TLE3: variants seen among roughly 807,000 people sequenced by gnomAD.
TLE3 encodes transducin-like enhancer protein 3.
Under a neutral mutation model 93.0 loss-of-function variants are expected in TLE3, and 14 were observed. The observed-to-expected ratio is 0.15, with a 90% CI of 0.10 to 0.24. The LOEUF is 0.24. Among genes scored for constraint, TLE3 ranks in the 10% least tolerant of loss-of-function variants. The pLI is 1.00. For synonymous variants in TLE3, 451 were observed against 425.0 expected (o/e 1.06, Z -0.75); for missense variants, 693 against 1,046.6 (o/e 0.66, Z 4.66).
chr15:70,058,471 T>G lies in TLE3; in HGVS notation c.919-180A>C. 1 of 1,294,348 alleles carries G rather than the reference T, an allele frequency of 7.7e-7. No individual in the cohort carries two copies. Among genetic ancestry groups the G allele is most frequent in the Non-Finnish European group, 1.1e-6 (1 of 949,112 alleles). 80.2% of individuals were successfully genotyped at this position (1,294,348 alleles called of 1,614,324 possible). ...GCAGGGACTGGGGTGATCACTCCCA[T>G]TTTACAGACGTAGCAACCGAGGCTC... On this transcript the variant is annotated intron_variant, in intron 11 of 19. Coordinates refer to ENST00000451782, the MANE Select transcript of TLE3 (RefSeq NM_001105192.3). The surrounding 1 kb of genome is among the most constrained non-coding windows in gnomAD (Gnocchi z 4.1).
chr15:70,097,475 G>A lies in TLE3; in HGVS notation c.-677C>T, dbSNP rs1290005379. ...CGCTGCCGCCGCCGCCGCCGCCGCT[G>A]CAAGCCCTTCCCAGGGCCGGGGAGG... On this transcript the variant is annotated 5_prime_UTR_variant, in exon 1 of 20. Transcript: ENST00000451782. 1 of 415,574 alleles carries A rather than the reference G, an allele frequency of 2.4e-6. No homozygotes were observed. The allele number at this position is 415,574 out of a possible 1,614,324, so 25.7% of individuals were successfully genotyped here. A position where few individuals can be genotyped will look rare whatever the true frequency, so the allele number is the denominator to read the frequency against.
rs878952972 is a variant in TLE3 at position 70,096,777 on chromosome 15, G to C, written c.22C>G (p.Pro8Ala). The change falls in exon 1 of 20, where the codon CCG (proline) becomes GCG (alanine). Residue 8 changes from proline to alanine, a missense_variant and splice_region_variant. Around this residue, in one of 4 missense-constraint regions of TLE3, gnomAD observed 31 missense variants for 24.0 expected, o/e 1.29. Coordinates refer to ENST00000451782, the MANE Select transcript of TLE3 (RefSeq NM_001105192.3). ...TAAACCGAGTTGCAATTACTCACCG[G>C]ATGTCTGCCCTGCGGATACATGGCA... MYPQGRH[P>A]APHQPGQPGF... 1.9e-6 allele frequency: 3 copies of C among 1,613,462 alleles called. No individual in the cohort carries two copies. Among genetic ancestry groups the C allele is most frequent in the Admixed American group, 3.3e-5 (2 of 59,984 alleles).
At chr15:70,095,532 G>A (rs1410495005) in intron 3 of TLE3, 46 bp downstream of exon 3, 4 of 1,547,014 alleles carry the variant, frequency 2.6e-6, no homozygotes, top group Non-Finnish European at 3.5e-6. Flanking sequence ...GCCCCCGGCC[G>A]GGGTCGGCGC....
At chr15:70,095,964 G>A (rs897781275) in intron 2 of TLE3, 197 bp downstream of exon 2, 3 of 720,180 alleles carry the variant, frequency 4.2e-6, no homozygotes, top group African/African-American at 3.6e-5. Flanking sequence ...CCCCACGGGC[G>A]GCGCTGGGAG....
chr15:70,095,961 G>C, intron 2 of TLE3, 200 bp downstream of exon 2: 1 of 709,224 alleles, frequency 1.4e-6, no homozygotes. Context: ...GGACCCCACG[G>C]GCGGCGCTGG....
chr15:70,076,990 C>T lies in TLE3; in HGVS notation c.235-832G>A, dbSNP rs192426884. On this transcript the variant is annotated intron_variant, in intron 4 of 19. Transcript: ENST00000451782. Reference sequence around the variant, plus strand: ...ACCTTGGCCTCCCAAAGGGCTGGGACTACAGACAGGAGCCACCATGCCCAG... The same window carrying T: ...ACCTTGGCCTCCCAAAGGGCTGGGATTACAGACAGGAGCCACCATGCCCAG... Among the ~76,000 whole-genome samples, 67 of 152,314 alleles carry T rather than the reference C, an allele frequency of 4.4e-4. 1 individual carries two copies. In the East Asian group the frequency reaches 0.012, roughly 28 times the overall value.
At chr15:70,096,299 G>A in intron 1 of TLE3, 38 bp from the exon 2 acceptor site, 1 of 1,549,394 alleles carries the variant, frequency 6.5e-7, no homozygotes, top group South Asian at 1.2e-5. Context: ...AGGGGGCGGG[G>A]GCATGAGACC....
In TLE3 at chr15:70,096,839, A is replaced by G; in HGVS notation, c.-41T>C. ...TGATTCCGAGAGCGTGGAAGCGCCGAGAGCCCGGGCCGGGGAGGTGCGGGG... is the reference window on the plus strand; with the variant it reads ...TGATTCCGAGAGCGTGGAAGCGCCGGGAGCCCGGGCCGGGGAGGTGCGGGG... On this transcript the variant is annotated 5_prime_UTR_variant, in exon 1 of 20. Coordinates refer to ENST00000451782, the MANE Select transcript of TLE3 (RefSeq NM_001105192.3). The G allele has an allele frequency of 1.3e-6, 2 of 1,599,884 alleles. No individual in the cohort carries two copies. Among genetic ancestry groups the G allele is most frequent in the Non-Finnish European group, 1.7e-6 (2 of 1,173,304 alleles).
intron 6 of TLE3, 68 bp from the exon 7 acceptor site, chr15:70,066,286 G>A: frequency 2.3e-6 from 3 of 1,300,142 alleles, no homozygotes; most frequent in East Asian, 5.5e-5. Context: ...CACCTCAGGA[G>A]GGAGGGAGGG....
chr15:70,084,312 G>A (rs571109565), intron 4 of TLE3, among the ~76,000 whole-genome samples: 10 of 152,324 alleles, frequency 6.6e-5, no homozygotes, highest in African/African-American at 1.9e-4. Flanking sequence ...TACAACTTGG[G>A]CACTGATAAC....
chr15:70,057,933 T>C, intron 12 of TLE3: 1 of 779,254 alleles, frequency 1.3e-6, no homozygotes, highest in Non-Finnish European at 2.0e-6. Flanking sequence ...GGAACAGATT[T>C]TGGGAGCCCT....
intron 4 of TLE3, among the ~76,000 whole-genome samples, chr15:70,089,718 G>A (rs918907492): frequency 2.0e-5 from 3 of 152,212 alleles, no homozygotes; most frequent in Non-Finnish European, 4.4e-5. Context: ...GCCAAGCTTA[G>A]GTCTTTGTCA....
intron 6 of TLE3, among the ~76,000 whole-genome samples, chr15:70,067,749 C>T (rs2056900876): frequency 6.6e-6 from 1 of 152,210 alleles, no homozygotes; most frequent in Admixed American, 6.5e-5. Context: ...CTGCAAACTG[C>T]CCACCTGGCC....
At chr15:70,090,410 C>A (rs2058253677) in intron 4 of TLE3, among the ~76,000 whole-genome samples, 1 of 152,176 alleles carries the variant, frequency 6.6e-6, no homozygotes, top group Non-Finnish European at 1.5e-5. Flanking sequence ...GGACCTTTGA[C>A]CCCTTCTACT....
intron 16 of TLE3, 21 bp downstream of exon 16, chr15:70,054,417 T>G (rs1449642660): frequency 1.2e-6 from 2 of 1,604,394 alleles, no homozygotes; most frequent in Non-Finnish European, 1.7e-6. Context: ...GAGGCACTAA[T>G]GCTCCCTCCT....
chr15:70,094,825 C>T, intron 3 of TLE3: 1 of 504,228 alleles, frequency 2.0e-6, no homozygotes, highest in East Asian at 3.3e-5. Context: ...CTCCCACAAG[C>T]ACCACATGTG....
intron 4 of TLE3, chr15:70,079,540 C>G (rs896650369): frequency 9.9e-6 from 4 of 403,526 alleles, no homozygotes; most frequent in Non-Finnish European, 1.9e-5. Flanking sequence ...CTTGGGGTCT[C>G]CCCACAAAGT....
intron 7 of TLE3, 77 bp downstream of exon 7, chr15:70,065,937 G>T: frequency 1.4e-6 from 2 of 1,435,730 alleles, no homozygotes; most frequent in East Asian, 2.4e-5. Flanking sequence ...CACTTGCTGG[G>T]TCCACTCACT....
chr15:70,096,044 G>C (rs2058541661), intron 2 of TLE3, 117 bp downstream of exon 2: 3 of 1,200,324 alleles, frequency 2.5e-6, no homozygotes, highest in African/African-American at 1.5e-5. Flanking sequence ...GCGGAGGCCC[G>C]GGCTGCCCCG....
Sources: gnomAD v4.1 joint callset for allele counts (sites outside exome capture counted in the v4.1 genomes callset) on GRCh38, gnomAD v4.1.1 for gene constraint, gnomAD v4.1.1 regional missense constraint, Gnocchi (gnomAD v3.1) non-coding constraint, MANE v1.5 for transcripts, NCBI Gene and HGNC (gene_info 2026-07-23, HGNC 2026-07-21) for gene names.